POTEE: variants seen among roughly 807,000 people sequenced by gnomAD.
POTEE encodes the protein POTE ankyrin domain family member E, also known as ANKRD26-like family C member 1A.
Under a neutral mutation model 74.2 loss-of-function variants are expected in POTEE, and 21 were observed. The ratio of observed to expected loss-of-function variants is 0.28; its 90% CI spans 0.20 to 0.41. The LOEUF is 0.41. POTEE is among the 10% of genes least tolerant of loss of function. POTEE has a pLI of 1.00. For missense variants in POTEE, 525 were observed against 1,158.6 expected (o/e 0.45, Z 7.94); for synonymous variants, 211 against 432.8 (o/e 0.49, Z 6.36).
In POTEE at chr2:131,261,760, G is replaced by A; in HGVS notation, c.1813G>A (p.Glu605Lys). The A allele has an allele frequency of 1.0e-5, 1 of 96,466 alleles. No homozygotes were observed. Among genetic ancestry groups the A allele is most frequent in the Non-Finnish European group, 2.0e-5 (1 of 50,746 alleles). 6.0% of individuals were successfully genotyped at this position (96,466 alleles called of 1,614,324 possible). The change falls in exon 17 of 18, where the codon GAA (glutamate) becomes AAA (lysine). Residue 605 changes from glutamate to lysine, a missense_variant. By Grantham distance (56) the Glu-to-Lys change is moderately conservative. Transcript: ENST00000683005. The part of the protein sequence containing the change: ...EQNDTQKQFC[E>K]EQNTGILHDE... ...AAATGATACTCAGAAGCAATTTTGTGAAGAACAGAACACTGGAATATTACA... is the reference window on the plus strand; with the variant it reads ...AAATGATACTCAGAAGCAATTTTGTAAAGAACAGAACACTGGAATATTACA...
At chr2:131,217,986 T>TGCGTTCTTGGCTTGGCTTG (rs1700489059) in intron 3 of POTEE, 1 of 279,172 alleles carries the variant, frequency 3.6e-6, no homozygotes, top group Non-Finnish European at 6.9e-6. Flanking sequence ...GGCTTGGCTT[T>TGCGTTCTTGGCTTGGCTTG]GCGTTCTTGG....
At chr2:131,224,268 T>G (rs1310156919) in intron 6 of POTEE, among the ~76,000 whole-genome samples, 3 of 151,310 alleles carry the variant, frequency 2.0e-5, no homozygotes, top group Non-Finnish European at 4.4e-5. Context: ...AAATACTTTT[T>G]TTGAAAACAC....
Position 131,220,684 on chromosome 2 carries a change from G to A in POTEE, c.521+1761G>A, listed in dbSNP as rs1322174407. Among the ~76,000 whole-genome samples, 9 of 152,128 alleles carry A rather than the reference G, an allele frequency of 5.9e-5. No individual in the cohort carries two copies. The East Asian group carries it at 1.4e-3, about 23-fold the overall frequency. On this transcript the variant is annotated intron_variant, in intron 4 of 17. Coordinates refer to ENST00000683005, the MANE Select transcript of POTEE (RefSeq NM_001083538.3). ...TAAGTTAGAAGAGGAATGAAAGGCC[G>A]GGTACAGTGGCTTACGCCCGTTACC...
intron 3 of POTEE, chr2:131,218,073 G>A (rs1443060721): frequency 6.9e-5 from 31 of 452,530 alleles, no homozygotes; most frequent in Non-Finnish European, 1.1e-4. Flanking sequence ...CCTTTGCTGG[G>A]CTTGACCTTT....
At position 131,217,687 on chromosome 2, in the gene POTEE, C is replaced by A. The variant is rs1051963083; in HGVS notation, c.-94+4C>A. Among the ~76,000 whole-genome samples, 2 of 150,356 alleles carry A rather than the reference C, an allele frequency of 1.3e-5. No individual in the cohort carries two copies. The highest frequency in any genetic ancestry group is 1.3e-4 in the Admixed American group (2 of 15,180). ...CGTGGCGCCAAGACTTAAGCAGGCG[C>A]GTTGCATGCATCGGCCAGTGTCTGT... On this transcript the variant is annotated splice_donor_region_variant and intron_variant, in intron 3 of 17. Transcript: ENST00000683005.
rs760465491 is a variant in POTEE at position 131,218,423 on chromosome 2, C to T, written c.21C>T (p.Ser7=). Residue 7 remains serine, a synonymous_variant, in exon 4 of 18, where the codon TCC becomes TCT. Transcript: ENST00000683005. MVVEVD[S]MPAASSVKKP... Reference sequence around the variant, plus strand: ...AGCAGATGGTGGTTGAGGTTGATTCCATGCCGGCTGCCTCTTCTGTGAAGA... The same window carrying T: ...AGCAGATGGTGGTTGAGGTTGATTCTATGCCGGCTGCCTCTTCTGTGAAGA... The T allele has an allele frequency of 1.2e-6, 2 of 1,613,048 alleles. No homozygotes were observed. Among genetic ancestry groups the T allele is most frequent in the East Asian group, 4.5e-5 (2 of 44,806 alleles).
intron 16 of POTEE, among the ~76,000 whole-genome samples, chr2:131,260,319 G>A (rs1701673413): frequency 6.7e-6 from 1 of 148,338 alleles, no homozygotes. Context: ...GGTTCTACAT[G>A]AATGTCAGCA....
intron 2 of POTEE, among the ~76,000 whole-genome samples, chr2:131,211,805 C>G (rs1225552401): frequency 6.6e-6 from 1 of 151,130 alleles, no homozygotes; most frequent in Non-Finnish European, 1.5e-5. Context: ...ATCCGCCCAC[C>G]TTGGCCTCCC....
chr2:131,233,798 G>A (rs1428236858), intron 9 of POTEE, among the ~76,000 whole-genome samples: 5 of 150,504 alleles, frequency 3.3e-5, no homozygotes, highest in African/African-American at 5.0e-5. Context: ...AATTGAATGA[G>A]AAAGGCTTGG....
chr2:131,213,414 A>G (rs1573691923), intron 2 of POTEE, among the ~76,000 whole-genome samples: 1 of 151,738 alleles, frequency 6.6e-6, no homozygotes. Flanking sequence ...TCTATATTGT[A>G]TCATTTTTCA....
intron 3 of POTEE, among the ~76,000 whole-genome samples, 91 bp downstream of exon 3, chr2:131,217,774 C>CCGCACGCGCACGCCGCACG (rs1559166793): frequency 8.5e-6 from 1 of 118,088 alleles, no homozygotes; most frequent in African/African-American, 3.6e-5. Flanking sequence ...CACGCGCACG[C>CCGCACGCGCACGCCGCACG]CGCACGCGCA....
At chr2:131,224,961 A>G (rs1465321729) in intron 6 of POTEE, among the ~76,000 whole-genome samples, 6 of 152,098 alleles carry the variant, frequency 3.9e-5, no homozygotes, top group Non-Finnish European at 8.8e-5. Flanking sequence ...TTGGATTTTG[A>G]GTTGACTAGA....
At chr2:131,223,472 A>C in intron 4 of POTEE, 124 bp from the exon 5 acceptor site, 2 of 839,658 alleles carry the variant, frequency 2.4e-6, no homozygotes, top group South Asian at 3.6e-5. Context: ...TTCATGGGAA[A>C]GTTAAATGTT....
In POTEE at chr2:131,264,621, T is replaced by C; in HGVS notation, c.3166T>C (p.Trp1056Arg). 1.0e-6 allele frequency: 1 copy of C among 970,404 alleles called. No individual in the cohort carries two copies. 60.1% of individuals were successfully genotyped at this position (970,404 alleles called of 1,614,324 possible). The change falls in exon 18 of 18, where the codon TGG becomes CGG. Residue 1056 changes from tryptophan to arginine, a missense_variant. By Grantham distance (101) the Trp-to-Arg change is moderately radical. Transcript: ENST00000683005. ...LASLSTFQQM[W>R]ISKQEYDESG... is the part of the protein sequence containing the mutation. Reference sequence around the variant, plus strand: ...CTCGCTGTCCACCTTCCAGCAGATGTGGATCAGCAAGCAGGAGTATGATGA... The same window carrying C: ...CTCGCTGTCCACCTTCCAGCAGATGCGGATCAGCAAGCAGGAGTATGATGA...
chr2:131,237,421 A>C (rs1701164110), intron 10 of POTEE, among the ~76,000 whole-genome samples: 1 of 151,890 alleles, frequency 6.6e-6, no homozygotes, highest in African/African-American at 2.4e-5. Flanking sequence ...TCATAAAAGC[A>C]ACACAGCTGC....
intron 1 of POTEE, among the ~76,000 whole-genome samples, chr2:131,210,336 G>T (rs1351935378): frequency 3.7e-5 from 5 of 135,514 alleles, no homozygotes; most frequent in Non-Finnish European, 7.8e-5. Context: ...GGGGTGGTTG[G>T]GGGGGGGTAT....
chr2:131,262,717 T>C lies in POTEE; in HGVS notation c.1900-638T>C, dbSNP rs1469829117. On this transcript the variant is annotated intron_variant, in intron 17 of 17. Transcript: ENST00000683005. ...GCGATCTTAAATGAGTTCAGTATTA[T>C]ATGTAGAAGAGCAATGCCTAGATAC... 7.4e-4 allele frequency among the ~76,000 whole-genome samples: 113 copies of C among 152,356 alleles called. 1 individual carries two copies. The highest frequency in any genetic ancestry group is 2.9e-3 in the Admixed American group (45 of 15,302).
intron 4 of POTEE, among the ~76,000 whole-genome samples, 177 bp from the exon 5 acceptor site, chr2:131,223,419 A>G (rs1389735553): frequency 6.7e-6 from 1 of 149,538 alleles, no homozygotes; most frequent in Admixed American, 6.6e-5. Context: ...CTGCCCTTTC[A>G]TTAATACAGC....
Position 131,209,584 on chromosome 2 carries a change from C to T in POTEE, c.-580C>T, listed in dbSNP as rs975817233. On this transcript the variant is annotated 5_prime_UTR_variant, in exon 1 of 18. Coordinates refer to ENST00000683005, the MANE Select transcript of POTEE (RefSeq NM_001083538.3). ...GTTTGGTAACCGGCATGGCTGCTAC[C>T]TGTTTCTGGCTGGAGCCTCGGACAC... is the stretch of plus-strand genomic sequence containing the variant. 2.0e-5 allele frequency among the ~76,000 whole-genome samples: 3 copies of T among 152,226 alleles called. No homozygotes were observed. Among genetic ancestry groups the T allele is most frequent in the Admixed American group, 6.5e-5 (1 of 15,284 alleles).
Sources: allele counts gnomAD v4.1 joint callset (sites outside exome capture counted in the v4.1 genomes callset), GRCh38; gene constraint gnomAD v4.1.1; transcripts MANE v1.5; gene names NCBI Gene and HGNC (gene_info 2026-07-23, HGNC 2026-07-21).